NARS2: variants seen among roughly 807,000 people sequenced by gnomAD.
NARS2 encodes asparaginyl-tRNA synthetase.
Under a neutral mutation model 62.9 loss-of-function variants are expected in NARS2, and 60 were observed. The observed-to-expected ratio is 0.95, with a 90% confidence interval of 0.77 to 1.18. NARS2 has a LOEUF of 1.18. Ranked by LOEUF, NARS2 falls within the 50% of genes most tolerant of loss-of-function variation. NARS2 has a pLI of 0.00. For synonymous variants in NARS2, 196 were observed against 200.0 expected (o/e 0.98, Z 0.17); for missense variants, 619 against 576.4 (o/e 1.07, Z -0.76).
intron 3 of NARS2, among the ~76,000 whole-genome samples, chr11:78,567,508 AC>A (rs1447212683): frequency 6.6e-6 from 1 of 152,212 alleles, no homozygotes; most frequent in African/African-American, 2.4e-5. Flanking sequence ...TTGAACTACT[AC>A]AGTGAAACAC....
intron 6 of NARS2, among the ~76,000 whole-genome samples, chr11:78,516,952 A>T (rs916661004): frequency 1.4e-4 from 22 of 152,244 alleles, no homozygotes; most frequent in Non-Finnish European, 2.8e-4. Context: ...GGACATTTAA[A>T]CAAGGAGGAG....
chr11:78,472,541 T>C (rs1004094696), intron 9 of NARS2, among the ~76,000 whole-genome samples: 8 of 152,226 alleles, frequency 5.3e-5, no homozygotes, highest in African/African-American at 1.7e-4. Flanking sequence ...ATACAATTTC[T>C]GCATAAAGGC....
chr11:78,553,742 A>G (rs900869029), intron 5 of NARS2, among the ~76,000 whole-genome samples: 1 of 152,180 alleles, frequency 6.6e-6, no homozygotes, highest in South Asian at 2.1e-4. Context: ...GCTATGCAGA[A>G]GCTCTTAAGT....
At chr11:78,543,674 C>T (rs10899547) in intron 5 of NARS2, among the ~76,000 whole-genome samples, 104,213 of 151,942 alleles carry the variant, frequency 0.69, 37,512 homozygotes, top group Non-Finnish European at 0.81. Flanking sequence ...GGAATAGATA[C>T]AACAAAAACA....
At chr11:78,570,873 C>T (rs1856897813) in intron 2 of NARS2, among the ~76,000 whole-genome samples, 1 of 152,130 alleles carries the variant, frequency 6.6e-6, no homozygotes, top group African/African-American at 2.4e-5. Flanking sequence ...GATTACCATT[C>T]AATGTGATAC....
At chr11:78,461,602 TAAAAAAAAAAAAAAAA>T (rs59664343) in intron 11 of NARS2, among the ~76,000 whole-genome samples, 2 of 64,086 alleles carry the variant, frequency 3.1e-5, no homozygotes, top group Non-Finnish European at 6.1e-5. Context: ...GCTGTGCTGG[TAAAAAAAAAAAAAAAA>T]AAAAAAAAAA....
chr11:78,440,555 G>A (rs1347547696), intron 13 of NARS2, among the ~76,000 whole-genome samples: 2 of 150,946 alleles, frequency 1.3e-5, no homozygotes, highest in Non-Finnish European at 2.9e-5. Context: ...TTTTTGAGAC[G>A]AAGTCTCGCT....
In NARS2 at chr11:78,448,349, C is replaced by T. The variant is rs1857837495; in HGVS notation, c.1165-4591G>A. Reference sequence around the variant, plus strand: ...TTTTTTTTTTTGAGACGGACTCTCGCTCTGTAGGCCAGGCTGCAGTGCAGT... The same window carrying T: ...TTTTTTTTTTTGAGACGGACTCTCGTTCTGTAGGCCAGGCTGCAGTGCAGT... On this transcript the variant is annotated intron_variant, in intron 11 of 13. Transcript: ENST00000281038. Among the ~76,000 whole-genome samples, 7 of 150,354 alleles carry T rather than the reference C, an allele frequency of 4.7e-5. No homozygotes were observed. The South Asian group carries it at 1.5e-3, about 32-fold the overall frequency.
intron 7 of NARS2, among the ~76,000 whole-genome samples, chr11:78,490,042 A>C (rs999261962): frequency 2.0e-5 from 3 of 152,220 alleles, no homozygotes; most frequent in Non-Finnish European, 2.9e-5. Context: ...CTGCCTCAAA[A>C]AACAAAAAAC....
chr11:78,487,165 G>T (rs755208871), intron 7 of NARS2, among the ~76,000 whole-genome samples: 1 of 151,882 alleles, frequency 6.6e-6, no homozygotes, highest in Admixed American at 6.6e-5. Context: ...AGACCAGCCC[G>T]GCCAACATGG....
At chr11:78,523,761 T>C (rs1012371290) in intron 6 of NARS2, among the ~76,000 whole-genome samples, 9 of 152,158 alleles carry the variant, frequency 5.9e-5, no homozygotes, top group African/African-American at 2.2e-4. Flanking sequence ...TATTCCAGAA[T>C]AGGTAAACTC....
At chr11:78,533,416 C>A (rs1277167461) in intron 5 of NARS2, 1 of 152,154 alleles carries the variant, frequency 6.6e-6, no homozygotes, top group Non-Finnish European at 1.5e-5. Context: ...CAGTTTGTAA[C>A]CTTTTCTCTC....
At chr11:78,488,773 G>C (rs996006670) in intron 7 of NARS2, among the ~76,000 whole-genome samples, 1 of 152,106 alleles carries the variant, frequency 6.6e-6, no homozygotes, top group Non-Finnish European at 1.5e-5. Flanking sequence ...ACAGAATAGA[G>C]GATTCTGAAA....
At chr11:78,538,273 C>G (rs1855446837) in intron 5 of NARS2, among the ~76,000 whole-genome samples, 1 of 152,146 alleles carries the variant, frequency 6.6e-6, no homozygotes, top group African/African-American at 2.4e-5. Context: ...GCCCCCAACT[C>G]CATGCCTAGA....
rs56788561 is a variant in NARS2 at position 78,444,727 on chromosome 11, C to CAAAGAAAAAAAAAA, written c.1165-970_1165-969insTTTTTTTTTTCTTT. On this transcript the variant is annotated intron_variant, in intron 11 of 13. Coordinates refer to ENST00000281038, the MANE Select transcript of NARS2 (RefSeq NM_024678.6). ...GAGCAAGACTCTGTCTCAAACAAAA[C>CAAAGAAAAAAAAAA]AAAAAAAAAAAAAAGGGTGATAAGA... is the stretch of plus-strand genomic sequence containing the variant. 7.8e-4 allele frequency among the ~76,000 whole-genome samples: 72 copies of CAAAGAAAAAAAAAA among 92,384 alleles called. 1 individual carries two copies. Among genetic ancestry groups the CAAAGAAAAAAAAAA allele is most frequent in the African/African-American group, 2.1e-3 (60 of 27,922 alleles). 60.6% of individuals were successfully genotyped at this position (92,384 alleles called of 152,430 possible). A position where few individuals can be genotyped will look rare whatever the true frequency, so the allele number is the denominator to read the frequency against.
At chr11:78,566,044 T>C (rs1856730946) in intron 4 of NARS2, 88 bp downstream of exon 4, 2 of 1,111,610 alleles carry the variant, frequency 1.8e-6, no homozygotes, top group South Asian at 1.8e-5. Flanking sequence ...CTAACAGACA[T>C]GTTAACATCA....
intron 3 of NARS2, 30 bp downstream of exon 3, chr11:78,568,602 C>A: frequency 6.2e-7 from 1 of 1,602,368 alleles, no homozygotes; most frequent in Non-Finnish European, 8.5e-7. Flanking sequence ...AAAGCCTAAA[C>A]AGCCTCCACA....
chr11:78,492,963 C>T, intron 7 of NARS2, 100 bp downstream of exon 7: 1 of 1,061,070 alleles, frequency 9.4e-7, no homozygotes, highest in South Asian at 1.6e-5. Context: ...CTTCTTTTCA[C>T]TTTATGAATA....
intron 7 of NARS2, among the ~76,000 whole-genome samples, chr11:78,489,889 T>A (rs1196072016): frequency 6.6e-6 from 1 of 152,006 alleles, no homozygotes; most frequent in South Asian, 2.1e-4. Flanking sequence ...ATCCTGTTTC[T>A]ATAAAAAATT....
Sources: gnomAD v4.1 joint callset for allele counts (sites outside exome capture counted in the v4.1 genomes callset) on GRCh38, gnomAD v4.1.1 for gene constraint, MANE v1.5 for transcripts, NCBI Gene and HGNC (gene_info 2026-07-23, HGNC 2026-07-21) for gene names.